TGFBI: variants seen among roughly 807,000 people sequenced by gnomAD.
TGFBI encodes transforming growth factor-beta-induced protein ig-h3.
TGFBI carries 50 observed loss-of-function variants against 73.7 expected under a neutral mutation model. The ratio of observed to expected loss-of-function variants is 0.68; its 90% CI spans 0.54 to 0.86. The LOEUF is 0.86. Ranked by LOEUF, TGFBI falls within the 40% of genes least tolerant of loss-of-function variation. The probability of loss-of-function intolerance (pLI) is 0.00; values close to 1 mark genes in which losing one functional copy is unlikely to be tolerated. For synonymous variants in TGFBI, 362 were observed against 360.5 expected, an observed-to-expected ratio of 1.00 and a Z score of -0.05; for missense variants, 839 against 877.0, an observed-to-expected ratio of 0.96 and a Z score of 0.55.
At chr5:136,053,208 C>A (rs1221619649) in intron 8 of TGFBI, 89 bp downstream of exon 8, 9 of 1,257,440 alleles carry the variant, frequency 7.2e-6, no homozygotes, top group Admixed American at 3.9e-5. Context: ...ATTCAGAGAT[C>A]TTTGGGCGAC....
rs764412216 is a variant in TGFBI, at chr5:136,044,129, G to A, written c.298+7G>A. 38 of 1,612,042 alleles carry A rather than the reference G, an allele frequency of 2.4e-5. No homozygotes were observed. Among genetic ancestry groups the A allele is most frequent in the Middle Eastern group, 3.3e-4 (2 of 6,050 alleles). ...GAGAAGGGCTGTCCAGCAGGTGAAT[G>A]AATCCTCCGGGCCTTGCCTGTTGGT... is the stretch of plus-strand genomic sequence containing the variant. On this transcript the variant is annotated splice_region_variant and intron_variant, in intron 3 of 16. Coordinates refer to ENST00000442011, the MANE Select transcript of TGFBI (RefSeq NM_000358.3).
intron 14 of TGFBI, 163 bp downstream of exon 14, chr5:136,061,099 GT>G: frequency 1.6e-6 from 1 of 613,376 alleles, no homozygotes; most frequent in Non-Finnish European, 2.8e-6. Flanking sequence ...GGAGCTGTTG[GT>G]TTTGAATGCA....
intron 7 of TGFBI, among the ~76,000 whole-genome samples, chr5:136,050,178 C>T (rs1166774249): frequency 6.6e-6 from 1 of 151,946 alleles, no homozygotes; most frequent in African/African-American, 2.4e-5. Context: ...ACTAAAAATA[C>T]AAAAATTAGC....
chr5:136,061,139 C>G (rs1751740031), intron 14 of TGFBI: 1 of 594,036 alleles, frequency 1.7e-6, no homozygotes, highest in Non-Finnish European at 3.0e-6. Flanking sequence ...GGACACATTG[C>G]TCTTTGCGGA....
chr5:136,034,874 A>T (rs142695271), intron 2 of TGFBI, among the ~76,000 whole-genome samples: 1 of 152,298 alleles, frequency 6.6e-6, no homozygotes, highest in East Asian at 1.9e-4. Context: ...AAGAAACTCT[A>T]AGCCACTCTC....
intron 1 of TGFBI, among the ~76,000 whole-genome samples, chr5:136,031,564 A>G (rs1751121004): frequency 6.6e-6 from 1 of 152,232 alleles, no homozygotes; most frequent in Admixed American, 6.5e-5. Flanking sequence ...CAGACACAGA[A>G]TGCTGTTGGG....
Position 136,059,156 on chromosome 5 carries a change from G to A in TGFBI, c.1745G>A (p.Gly582Asp). The part of the protein sequence containing the change: ...HIGDEILVSG[G>D]IGALVRLKSL... Reference sequence around the variant, plus strand: ...GGTGATGAAATCCTGGTTAGCGGAGGCATCGGGGCCCTGGTGCGGCTAAAG... The same window carrying A: ...GGTGATGAAATCCTGGTTAGCGGAGACATCGGGGCCCTGGTGCGGCTAAAG... The change falls in exon 13 of 17, where the codon GGC becomes GAC. Residue 582 changes from glycine (G) to aspartate (D), a missense_variant. Physicochemically the swap from Gly to Asp is moderately conservative, Grantham distance 94. Transcript: ENST00000442011. The A allele has an allele frequency of 6.2e-7, 1 of 1,611,154 alleles. No homozygotes were observed.
At chr5:136,031,645 A>G (rs1459173819) in intron 1 of TGFBI, among the ~76,000 whole-genome samples, 1 of 152,234 alleles carries the variant, frequency 6.6e-6, no homozygotes, top group Non-Finnish European at 1.5e-5. Context: ...GGGGAAAAAT[A>G]ATACTGAAAG....
chr5:136,029,308 C>T (rs1434964708), intron 1 of TGFBI, 119 bp downstream of exon 1: 3 of 1,221,948 alleles, frequency 2.5e-6, no homozygotes, highest in Non-Finnish European at 3.2e-6. Context: ...GAACTAAAAA[C>T]CTTGCAGCAT....
At chr5:136,043,399 T>A (rs1026285231) in intron 2 of TGFBI, among the ~76,000 whole-genome samples, 4 of 152,218 alleles carry the variant, frequency 2.6e-5, no homozygotes, top group Admixed American at 6.5e-5. Flanking sequence ...TTTTTTTATT[T>A]AAAAAATAAA....
rs1751748962 is a variant in TGFBI, at chr5:136,061,591, G to A, written c.1986+12G>A. The A allele has an allele frequency of 6.2e-7, 1 of 1,612,414 alleles. No individual in the cohort carries two copies. Among genetic ancestry groups the A allele is most frequent in the African/African-American group, 1.3e-5 (1 of 75,012 alleles). On this transcript the variant is annotated intron_variant, in intron 15 of 16. Coordinates refer to ENST00000442011, the MANE Select transcript of TGFBI (RefSeq NM_000358.3). Reference sequence around the variant, plus strand: ...CAGCGTTTTCCAGGGTAAGATGCCTGCTAGGTTTGCGCCTAGCCTGAGCAG... The same window carrying A: ...CAGCGTTTTCCAGGGTAAGATGCCTACTAGGTTTGCGCCTAGCCTGAGCAG...
intron 2 of TGFBI, among the ~76,000 whole-genome samples, chr5:136,043,604 C>T (rs985264491): frequency 2.0e-5 from 3 of 152,138 alleles, no homozygotes; most frequent in African/African-American, 4.8e-5. Flanking sequence ...GAAACTGAGA[C>T]CCAGAGAGAT....
At chr5:136,035,429 C>G (rs1751200000) in intron 2 of TGFBI, among the ~76,000 whole-genome samples, 2 of 152,216 alleles carry the variant, frequency 1.3e-5, no homozygotes, top group East Asian at 3.9e-4. Context: ...AGAGACCATC[C>G]TGGCTAACAT....
At chr5:136,048,206 C>T (rs571084490) in intron 6 of TGFBI, 4 of 152,300 alleles carry the variant, frequency 2.6e-5, no homozygotes, top group East Asian at 3.9e-4. Context: ...CTGGGAGCTT[C>T]GCTGTCTAAG....
intron 1 of TGFBI, among the ~76,000 whole-genome samples, chr5:136,029,700 A>C (rs1751080624): frequency 6.6e-6 from 1 of 152,056 alleles, no homozygotes. Flanking sequence ...GCACTCAGAC[A>C]CTGCTGGCAC....
At chr5:136,037,997 A>G (rs974123094) in intron 2 of TGFBI, among the ~76,000 whole-genome samples, 9 of 152,186 alleles carry the variant, frequency 5.9e-5, no homozygotes, top group Non-Finnish European at 1.2e-4. Flanking sequence ...AGCAGACCCC[A>G]GACCCATACT....
At chr5:136,029,649 A>C (rs1369128257) in intron 1 of TGFBI, among the ~76,000 whole-genome samples, 1 of 152,196 alleles carries the variant, frequency 6.6e-6, no homozygotes. Context: ...CGGTGGCAGC[A>C]TCTAAGGTGC....
chr5:136,032,729 C>A (rs1297007786), intron 1 of TGFBI, among the ~76,000 whole-genome samples: 2 of 152,148 alleles, frequency 1.3e-5, no homozygotes, highest in Non-Finnish European at 2.9e-5. Flanking sequence ...AAGATCAACC[C>A]TCTCCTGACT....
Position 136,029,121 on chromosome 5 carries a change from G to A in TGFBI, c.66G>A (p.Leu22=), listed in dbSNP as rs1460124781. 2 of 1,525,378 alleles carry A rather than the reference G, an allele frequency of 1.3e-6. No homozygotes were observed. Among genetic ancestry groups the A allele is most frequent in the Non-Finnish European group, 1.7e-6 (2 of 1,143,224 alleles). The allele number at this position is 1,525,378 out of a possible 1,614,324, so 94.5% of individuals were successfully genotyped here. Residue 22 remains leucine, a synonymous_variant, in exon 1 of 17, where the codon CTG becomes CTA. Coordinates refer to ENST00000442011, the MANE Select transcript of TGFBI (RefSeq NM_000358.3). ...LALALGPAAT[L]AGPAKSPYQL... ...TGGCCCTGGGCCCCGCCGCGACCCT[G>A]GCGGGTCCCGCCAAGTCGCCCTACC... is the stretch of plus-strand genomic sequence containing the variant.
Sources: allele counts gnomAD v4.1 joint callset (sites outside exome capture counted in the v4.1 genomes callset), GRCh38; gene constraint gnomAD v4.1.1; transcripts MANE v1.5; gene names NCBI Gene and HGNC (gene_info 2026-07-23, HGNC 2026-07-21).